Variants in NIFK observed in about 807,000 individuals in gnomAD.
NIFK encodes the protein nucleolar protein interacting with the FHA domain of MKI67, also known as MKI67 FHA domain-interacting nucleolar phosphoprotein.
A neutral mutation model predicts 31.7 loss-of-function variants in NIFK; 16 were observed. The ratio of observed to expected loss-of-function variants is 0.50; its 90% CI spans 0.34 to 0.77. The LOEUF (loss-of-function observed/expected upper bound fraction) is 0.77. Among genes scored for constraint, NIFK ranks in the 30% least tolerant of loss-of-function variants. The probability of loss-of-function intolerance (pLI) is 0.01; values close to 1 mark genes in which losing one functional copy is unlikely to be tolerated. For synonymous variants in NIFK, 126 were observed against 123.0 expected (o/e 1.02, Z -0.16); for missense variants, 341 against 350.4 (o/e 0.97, Z 0.21).
chr2:121,733,557 T>C (rs575254910), intron 2 of NIFK, among the ~76,000 whole-genome samples: 1 of 149,008 alleles, frequency 6.7e-6, no homozygotes, highest in South Asian at 2.1e-4. Context: ...CAGGCACCTA[T>C]AATCCCAGCT....
At position 121,727,717 on chromosome 2, in the gene NIFK, T is replaced by C. The variant is rs775044802; in HGVS notation, c.*7A>G. The C allele has an allele frequency of 2.5e-6, 4 of 1,584,688 alleles. No homozygotes were observed. Among genetic ancestry groups the C allele is most frequent in the East Asian group, 4.5e-5 (2 of 44,690 alleles). On this transcript the variant is annotated 3_prime_UTR_variant, in exon 7 of 7. Coordinates refer to ENST00000285814, the MANE Select transcript of NIFK (RefSeq NM_032390.5). ...TATTTTTCAAAAGAAATATAATACA[T>C]TGAAAATCACTGATTGCTGCTTCTT...
chr2:121,728,007 T>G, intron 6 of NIFK, 95 bp from the exon 7 acceptor site: 1 of 1,187,970 alleles, frequency 8.4e-7, no homozygotes, highest in Non-Finnish European at 1.2e-6. Context: ...TTACAAGTTG[T>G]GCCCCATTAT....
In NIFK at chr2:121,736,760, T is replaced by C. The variant is rs1395070505; in HGVS notation, c.91A>G (p.Lys31Glu). Residue 31 changes from lysine to glutamate, a missense_variant, in exon 1 of 7, where the codon AAG becomes GAG. Lys to Glu is a moderately conservative substitution (Grantham distance 56). Transcript: ENST00000285814. ...EFQKEVAQVR[K>E]RITQRKKQEQ... Reference sequence around the variant, plus strand: ...TGCCTGCTCACCTGGGTTATGCGCTTGCGAACCTGCGCCACCTCCTTTTGA... The same window carrying C: ...TGCCTGCTCACCTGGGTTATGCGCTCGCGAACCTGCGCCACCTCCTTTTGA... 6.2e-7 allele frequency: 1 copy of C among 1,613,896 alleles called. No homozygotes were observed. The highest frequency in any genetic ancestry group is 8.5e-7 in the Non-Finnish European group (1 of 1,179,878).
At chr2:121,730,809 G>A (rs761010555) in intron 4 of NIFK, 84 bp downstream of exon 4, 4 of 900,284 alleles carry the variant, frequency 4.4e-6, no homozygotes, top group African/African-American at 1.6e-5. Flanking sequence ...TGTGGTAAGT[G>A]CTAGGCTAGG....
intron 2 of NIFK, among the ~76,000 whole-genome samples, chr2:121,734,109 G>A (rs2074562515): frequency 6.6e-6 from 1 of 151,946 alleles, no homozygotes; most frequent in Non-Finnish European, 1.5e-5. Context: ...CCAAAACAGT[G>A]TTTAGTAGAA....
At position 121,730,874 on chromosome 2, in the gene NIFK, A is replaced by G. The variant is rs770927851; in HGVS notation, c.564+19T>C. ...CCCTCCCCACAACAAACCACAAAAA[A>G]GATTTCACGAATATTTACCAAAGAA... On this transcript the variant is annotated intron_variant, in intron 4 of 6. Transcript: ENST00000285814. The G allele has an allele frequency of 2.0e-5, 31 of 1,573,256 alleles. No individual in the cohort carries two copies. Among genetic ancestry groups the G allele is most frequent in the Non-Finnish European group, 2.5e-5 (29 of 1,142,952 alleles).
intron 2 of NIFK, among the ~76,000 whole-genome samples, chr2:121,734,252 C>A (rs191116010): frequency 1.3e-5 from 2 of 151,502 alleles, no homozygotes; most frequent in Admixed American, 6.6e-5. Flanking sequence ...GCCGAGATCG[C>A]CCCCCAAAAC....
chr2:121,733,613 A>G (rs75671400), intron 2 of NIFK, among the ~76,000 whole-genome samples: 9,828 of 151,860 alleles, frequency 0.065, 565 homozygotes, highest in East Asian at 0.16. Context: ...CGGGAGGCGG[A>G]CATCGCAGTC....
In NIFK at chr2:121,736,803, C is replaced by G. The variant is rs149855862; in HGVS notation, c.48G>C (p.Pro16=). The G allele has an allele frequency of 1.2e-6, 2 of 1,614,050 alleles. No homozygotes were observed. Among genetic ancestry groups the G allele is most frequent in the Admixed American group, 1.7e-5 (1 of 59,998 alleles). Residue 16 remains proline (P), a synonymous_variant, in exon 1 of 7, where the codon CCG becomes CCC. Coordinates refer to ENST00000285814, the MANE Select transcript of NIFK (RefSeq NM_032390.5). The stretch of plus-strand genomic sequence containing the variant: ...CCTTTTGAAACTCGACATCTTCCTG[C>G]GGATTAAGCGACAGGATTGGCCCAG... ...GPAGPILSLN[P]QEDVEFQKEV...
rs1471948600 is a variant in NIFK at position 121,732,711 on chromosome 2, C to T, written c.244-507G>A. On this transcript the variant is annotated intron_variant, in intron 2 of 6. Transcript: ENST00000285814. Reference sequence around the variant, plus strand: ...TCAAAAGAGAGGGGAAGGCCAGGCGCGGTGGCTCACCCCTGCAATCTCAGC... The same window carrying T: ...TCAAAAGAGAGGGGAAGGCCAGGCGTGGTGGCTCACCCCTGCAATCTCAGC... Among the ~76,000 whole-genome samples the T allele has an allele frequency of 2.6e-5, 4 of 152,140 alleles. No individual in the cohort carries two copies. In the East Asian group the frequency reaches 5.8e-4, roughly 22 times the overall value.
chr2:121,728,019 TTAGC>T, intron 6 of NIFK, 107 bp from the exon 7 acceptor site: 1 of 1,051,174 alleles, frequency 9.5e-7, no homozygotes, highest in Non-Finnish European at 1.3e-6. Context: ...CCCCATTATT[TTAGC>T]TCTGTTACCA....
At chr2:121,731,599 TAGAAGGCCTTC>T (rs2074540280) in intron 3 of NIFK, among the ~76,000 whole-genome samples, 1 of 152,194 alleles carries the variant, frequency 6.6e-6, no homozygotes, top group Admixed American at 6.5e-5. Flanking sequence ...CTCGCTGACT[TAGAAGGCCTTC>T]AGTAACCTGA....
intron 2 of NIFK, among the ~76,000 whole-genome samples, chr2:121,734,945 T>G (rs1296315411): frequency 1.3e-5 from 2 of 152,192 alleles, no homozygotes; most frequent in Non-Finnish European, 2.9e-5. Flanking sequence ...CCCCACATGC[T>G]AAATCAAATA....
At chr2:121,734,097 G>C (rs1349105024) in intron 2 of NIFK, among the ~76,000 whole-genome samples, 2 of 145,174 alleles carry the variant, frequency 1.4e-5, no homozygotes, top group African/African-American at 2.8e-5. Context: ...AGACCAGCCT[G>C]GCCAAAACAG....
intron 2 of NIFK, 28 bp downstream of exon 2, chr2:121,735,585 A>G (rs757521576): frequency 6.2e-7 from 1 of 1,610,558 alleles, no homozygotes; most frequent in South Asian, 1.1e-5. Flanking sequence ...GAAAAACAAA[A>G]CATTAAATCC....
rs543620300 is a variant in NIFK at position 121,727,739 on chromosome 2, T to G, written c.867A>C (p.Arg289Ser). Reference protein sequence around the residue: ...TPTHSRKKRRRSSNQ With the variant: ...TPTHSRKKRRSSSNQ ...ACATTGAAAATCACTGATTGCTGCTTCTTCGTCTTTTTTTCCGTGAATGTG... is the reference window on the plus strand; with the variant it reads ...ACATTGAAAATCACTGATTGCTGCTGCTTCGTCTTTTTTTCCGTGAATGTG... Residue 289 changes from arginine (R) to serine (S), a missense_variant, in exon 7 of 7, where the codon AGA becomes AGC. Transcript: ENST00000285814. The G allele has an allele frequency of 3.0e-5, 48 of 1,599,782 alleles. No homozygotes were observed. Among genetic ancestry groups the G allele is most frequent in the Admixed American group, 9.0e-5 (5 of 55,570 alleles).
rs201107031 is a variant in NIFK at position 121,731,061 on chromosome 2, T to C, written c.396A>G (p.Lys132=). The change falls in exon 4 of 7, where the codon AAA becomes AAG. Residue 132 remains lysine (K), a synonymous_variant. Coordinates refer to ENST00000285814, the MANE Select transcript of NIFK (RefSeq NM_032390.5). ...PPEKVHKELF[K]DWNIPFKQPS... ...GCTGCTTAAATGGAATATTCCAGTCTTTAAAGAGTTCTTTATGTACTTTTT... is the reference window on the plus strand; with the variant it reads ...GCTGCTTAAATGGAATATTCCAGTCCTTAAAGAGTTCTTTATGTACTTTTT... 4.1e-5 allele frequency: 66 copies of C among 1,607,258 alleles called. No homozygotes were observed. Among genetic ancestry groups the C allele is most frequent in the Non-Finnish European group, 5.4e-5 (64 of 1,177,280 alleles).
rs761568940 is a variant in NIFK, at chr2:121,736,845, C to G, written c.6G>C (p.Ala2=). The G allele has an allele frequency of 6.2e-7, 1 of 1,613,784 alleles. No individual in the cohort carries two copies. Among genetic ancestry groups the G allele is most frequent in the Non-Finnish European group, 8.5e-7 (1 of 1,179,846 alleles). Residue 2 remains alanine (A), a synonymous_variant, in exon 1 of 7, where the codon GCG becomes GCC. Transcript: ENST00000285814. M[A]TFSGPAGPIL... is the part of the protein sequence containing the mutation. ...TTGGCCCAGCCGGGCCAGAAAAAGT[C>G]GCCATGCCAAAAGCCGCCGACGCTA...
chr2:121,736,256 G>A (rs1287494561), intron 1 of NIFK, among the ~76,000 whole-genome samples: 1 of 152,120 alleles, frequency 6.6e-6, no homozygotes, highest in Non-Finnish European at 1.5e-5. Flanking sequence ...CGATGTCAGG[G>A]GCCCTAGTCA....
Sources: gnomAD v4.1 joint callset for allele counts (sites outside exome capture counted in the v4.1 genomes callset) on GRCh38, gnomAD v4.1.1 for gene constraint, MANE v1.5 for transcripts, NCBI Gene and HGNC (gene_info 2026-07-23, HGNC 2026-07-21) for gene names.